The following CTNNA3 variants were observed in gnomAD, a reference collection of about 807,000 sequenced individuals.
CTNNA3 encodes the protein catenin alpha 3, also known as catenin alpha-3.
A neutral mutation model predicts 95.7 loss-of-function variants in CTNNA3; 76 were observed. The ratio of observed to expected loss-of-function variants is 0.79; its 90% CI spans 0.66 to 0.96. CTNNA3 has a LOEUF of 0.96. CTNNA3 is among the 40% of genes least tolerant of loss of function. CTNNA3 has a pLI of 0.00. For synonymous variants in CTNNA3, 431 were observed against 374.4 expected, an observed-to-expected ratio of 1.15 and a Z score of -1.74; for missense variants, 1,191 against 1,089.8, an observed-to-expected ratio of 1.09 and a Z score of -1.31.
chr10:65,961,736 C>A (rs2077849039), intron 17 of CTNNA3, among the ~76,000 whole-genome samples: 1 of 150,988 alleles, frequency 6.6e-6, no homozygotes, highest in African/African-American at 2.4e-5. Context: ...AACAGTATGA[C>A]TAAGCTCTAG....
chr10:66,895,053 A>AC (rs1845424002), intron 7 of CTNNA3, among the ~76,000 whole-genome samples: 1 of 109,794 alleles, frequency 9.1e-6, no homozygotes, highest in Non-Finnish European at 1.9e-5. Flanking sequence ...AAACAAATAA[A>AC]CAAAAAAAAA....
chr10:66,451,173 G>A (rs1002256766), intron 11 of CTNNA3, among the ~76,000 whole-genome samples: 2 of 152,138 alleles, frequency 1.3e-5, no homozygotes, highest in Non-Finnish European at 2.9e-5. Context: ...ATGCTTGATT[G>A]CAATAATGAT....
intron 5 of CTNNA3, among the ~76,000 whole-genome samples, chr10:67,285,110 C>T (rs540104766): frequency 7.9e-5 from 12 of 152,264 alleles, no homozygotes; most frequent in African/African-American, 2.6e-4. Context: ...AGAAAGTACA[C>T]GTTATTAAAC....
chr10:67,523,274 C>T (rs1840038396), intron 4 of CTNNA3, among the ~76,000 whole-genome samples: 1 of 152,142 alleles, frequency 6.6e-6, no homozygotes, highest in South Asian at 2.1e-4. Context: ...ATTTCCTGCC[C>T]TGAAGGAACT....
intron 7 of CTNNA3, among the ~76,000 whole-genome samples, chr10:67,058,002 C>T (rs898148134): frequency 5.9e-5 from 9 of 152,242 alleles, no homozygotes; most frequent in South Asian, 2.1e-4. Flanking sequence ...TAAGTGATTG[C>T]GCAAAGTTCC....
At chr10:66,528,007 T>C (rs1841329906) in intron 10 of CTNNA3, among the ~76,000 whole-genome samples, 1 of 152,182 alleles carries the variant, frequency 6.6e-6, no homozygotes. Context: ...ATTGAGGTTA[T>C]AGGAGGAGTA....
At chr10:66,042,019 T>C (rs1028663077) in intron 15 of CTNNA3, among the ~76,000 whole-genome samples, 8 of 152,212 alleles carry the variant, frequency 5.3e-5, no homozygotes, top group Non-Finnish European at 1.0e-4. Context: ...ACATTCTCTG[T>C]CTTCCACTTA....
At chr10:65,924,348 A>T (rs1440843966) in intron 17 of CTNNA3, among the ~76,000 whole-genome samples, 1 of 152,052 alleles carries the variant, frequency 6.6e-6, no homozygotes, top group Non-Finnish European at 1.5e-5. Context: ...CTGCATCTTG[A>T]TTATGCTTCA....
At chr10:67,729,708 C>T (rs1399156406) in intron 1 of CTNNA3, among the ~76,000 whole-genome samples, 2 of 151,866 alleles carry the variant, frequency 1.3e-5, no homozygotes, top group Non-Finnish European at 2.9e-5. Context: ...AGTTTATGTT[C>T]TATGAAAAGA....
chr10:66,368,253 GC>G (rs2092727983), intron 12 of CTNNA3, among the ~76,000 whole-genome samples: 1 of 151,912 alleles, frequency 6.6e-6, no homozygotes, highest in Admixed American at 6.6e-5. Flanking sequence ...TTGCTTCATT[GC>G]CTTGCAGAAC....
chr10:66,297,390 C>T (rs1409894364), intron 12 of CTNNA3, among the ~76,000 whole-genome samples: 3 of 151,972 alleles, frequency 2.0e-5, no homozygotes, highest in Non-Finnish European at 4.4e-5. Flanking sequence ...GGACTATATA[C>T]ATGGAAAGAA....
intron 12 of CTNNA3, among the ~76,000 whole-genome samples, chr10:66,339,845 A>G (rs2092435560): frequency 6.6e-6 from 1 of 151,796 alleles, no homozygotes; most frequent in South Asian, 2.1e-4. Flanking sequence ...CTTCATTTCA[A>G]TAATTGAATT....
intron 10 of CTNNA3, among the ~76,000 whole-genome samples, chr10:66,605,286 A>C (rs1844078645): frequency 6.6e-6 from 1 of 152,086 alleles, no homozygotes; most frequent in African/African-American, 2.4e-5. Context: ...AATTAATAAA[A>C]CCTAAGATAA....
At chr10:66,045,963 G>C (rs1415807663) in intron 15 of CTNNA3, among the ~76,000 whole-genome samples, 1 of 152,146 alleles carries the variant, frequency 6.6e-6, no homozygotes, top group East Asian at 1.9e-4. Context: ...TAAAGAGGGA[G>C]TGGCCAAGAT....
In CTNNA3 at chr10:66,234,541, G is replaced by A. The variant is rs115503948; in HGVS notation, c.1884+45929C>T. Among the ~76,000 whole-genome samples the A allele has an allele frequency of 5.1e-3, 773 of 152,234 alleles. 5 individuals carry two copies. The highest frequency in any genetic ancestry group is 0.017 in the African/African-American group (724 of 41,550). ...TACATAATATATGATTTGTAGTTGC[G>A]TGTCTGATATAAAAGATCTAATTTT... On this transcript the variant is annotated intron_variant, in intron 13 of 17. Transcript: ENST00000433211.
At chr10:66,602,128 C>T (rs1843949380) in intron 10 of CTNNA3, among the ~76,000 whole-genome samples, 1 of 151,812 alleles carries the variant, frequency 6.6e-6, no homozygotes, top group Non-Finnish European at 1.5e-5. Flanking sequence ...GGTTGGAAAA[C>T]TTGTCATGAC....
intron 5 of CTNNA3, among the ~76,000 whole-genome samples, chr10:67,432,712 A>T (rs1319560567): frequency 6.6e-6 from 1 of 152,040 alleles, no homozygotes; most frequent in Non-Finnish European, 1.5e-5. Flanking sequence ...TGATCACATC[A>T]TTTACCATAT....
intron 7 of CTNNA3, among the ~76,000 whole-genome samples, chr10:66,947,134 G>A (rs1433510998): frequency 6.6e-6 from 1 of 151,866 alleles, no homozygotes; most frequent in Non-Finnish European, 1.5e-5. Context: ...TCTAATGATT[G>A]TATTAGAAAA....
intron 7 of CTNNA3, among the ~76,000 whole-genome samples, chr10:67,119,025 T>G (rs1859336011): frequency 6.6e-6 from 1 of 151,876 alleles, no homozygotes; most frequent in Non-Finnish European, 1.5e-5. Flanking sequence ...AAATACAATT[T>G]CTGGACTGTT....
Sources: gnomAD v4.1 joint callset for allele counts (sites outside exome capture counted in the v4.1 genomes callset) on GRCh38, gnomAD v4.1.1 for gene constraint, MANE v1.5 for transcripts, NCBI Gene and HGNC (gene_info 2026-07-23, HGNC 2026-07-21) for gene names.